The following NBEA variants were observed in gnomAD, a reference collection of about 807,000 sequenced individuals.
NBEA encodes the protein lysosomal-trafficking regulator 2.
A neutral mutation model predicts 343.4 loss-of-function variants in NBEA; 44 were observed. The observed-to-expected ratio is 0.13, with a 90% CI of 0.10 to 0.16. The LOEUF is 0.16. Among genes scored for constraint, NBEA ranks in the 10% least tolerant of loss-of-function variants. NBEA has a pLI of 1.00. For synonymous variants in NBEA, 1,175 were observed against 1,238.7 expected (o/e 0.95, Z 1.08); for missense variants, 2,555 against 3,631.3 (o/e 0.70, Z 7.62).
At chr13:34,974,513 T>C (rs2060101802) in intron 1 of NBEA, among the ~76,000 whole-genome samples, 1 of 152,196 alleles carries the variant, frequency 6.6e-6, no homozygotes, top group Admixed American at 6.5e-5. Context: ...AAACTGGCAG[T>C]GGGCCAGAAC....
intron 34 of NBEA, among the ~76,000 whole-genome samples, chr13:35,275,244 C>G (rs972534230): frequency 3.3e-5 from 5 of 152,134 alleles, no homozygotes; most frequent in African/African-American, 7.2e-5. Flanking sequence ...CTGACAAAAA[C>G]AAGCAATGGG....
intron 1 of NBEA, among the ~76,000 whole-genome samples, chr13:34,983,366 T>C (rs1172572106): frequency 1.3e-5 from 2 of 152,222 alleles, no homozygotes; most frequent in Non-Finnish European, 2.9e-5. Flanking sequence ...TCCTTTTTTA[T>C]GGCTGCATAG....
intron 41 of NBEA, among the ~76,000 whole-genome samples, chr13:35,531,636 A>G (rs1326698830): frequency 6.6e-6 from 1 of 152,222 alleles, no homozygotes; most frequent in African/African-American, 2.4e-5. Context: ...GGGATGGGCA[A>G]CTGTCATCTG....
chr13:35,111,226 T>C (rs2066190348), intron 13 of NBEA, among the ~76,000 whole-genome samples: 1 of 152,182 alleles, frequency 6.6e-6, no homozygotes, highest in South Asian at 2.1e-4. Flanking sequence ...TTTTTTTTCA[T>C]TCAGGAAGAT....
chr13:35,432,246 A>C, intron 38 of NBEA, 23 bp from the exon 39 acceptor site: 1 of 1,570,484 alleles, frequency 6.4e-7, no homozygotes, highest in Non-Finnish European at 8.7e-7. Context: ...AATAGGGATT[A>C]CTTTTTTTCC....
intron 11 of NBEA, among the ~76,000 whole-genome samples, chr13:35,106,525 T>G (rs1302261852): frequency 1.3e-5 from 2 of 151,872 alleles, no homozygotes; most frequent in East Asian, 1.9e-4. Context: ...AGAGATTTCT[T>G]TTTTACACTA....
chr13:35,665,031 C>T (rs961383736), intron 55 of NBEA, 54 bp from the exon 56 acceptor site: 1 of 1,181,084 alleles, frequency 8.5e-7, no homozygotes, highest in Middle Eastern at 1.9e-4. Flanking sequence ...GCTGGTGTAG[C>T]TCTCTCCCCC....
chr13:35,055,712 A>G (rs894377046), intron 6 of NBEA, among the ~76,000 whole-genome samples: 3 of 152,186 alleles, frequency 2.0e-5, no homozygotes, highest in African/African-American at 7.2e-5. Context: ...TGTAAATTTT[A>G]AATGAATGAA....
At chr13:35,418,494 C>A (rs977205160) in intron 38 of NBEA, among the ~76,000 whole-genome samples, 1 of 151,884 alleles carries the variant, frequency 6.6e-6, no homozygotes, top group Non-Finnish European at 1.5e-5. Context: ...AAAGGAAATG[C>A]ATGATGTTGT....
In NBEA at chr13:35,173,444, G is replaced by A; in HGVS notation, c.4424-20G>A. 1 of 1,562,768 alleles carries A rather than the reference G, an allele frequency of 6.4e-7. No individual in the cohort carries two copies. The highest frequency in any genetic ancestry group is 8.7e-7 in the Non-Finnish European group (1 of 1,151,350). On this transcript the variant is annotated intron_variant, in intron 26 of 58. Transcript: ENST00000379939. The stretch of plus-strand genomic sequence containing the variant: ...AGTCAACAATTTATATTAACAATAT[G>A]TTTTTGAATTTTTAAATAGTTTGTT...
chr13:35,109,488 C>T (rs1479398280), intron 12 of NBEA, 46 bp downstream of exon 12: 1 of 1,471,768 alleles, frequency 6.8e-7, no homozygotes, highest in Non-Finnish European at 9.1e-7. Flanking sequence ...TAATGTTATA[C>T]ATTATAGTTG....
At chr13:35,579,973 C>T (rs138975196) in intron 45 of NBEA, among the ~76,000 whole-genome samples, 49 of 152,088 alleles carry the variant, frequency 3.2e-4, no homozygotes, top group African/African-American at 1.1e-3. Context: ...TGTAATTTCC[C>T]GTAGATTTTA....
intron 31 of NBEA, among the ~76,000 whole-genome samples, chr13:35,205,779 G>A (rs1410881047): frequency 2.0e-5 from 3 of 151,872 alleles, no homozygotes; most frequent in African/African-American, 7.3e-5. Context: ...AATATTCCAT[G>A]GACTGTGCTA....
intron 1 of NBEA, among the ~76,000 whole-genome samples, chr13:35,021,972 T>C (rs1233407372): frequency 2.0e-5 from 3 of 152,204 alleles, no homozygotes; most frequent in African/African-American, 7.2e-5. Flanking sequence ...TTCTGTCTGA[T>C]GAAGTTACTT....
At chr13:35,400,181 C>T (rs1032347711) in intron 38 of NBEA, among the ~76,000 whole-genome samples, 1 of 118,150 alleles carries the variant, frequency 8.5e-6, no homozygotes, top group Admixed American at 1.0e-4. Flanking sequence ...AGGGTTGCCA[C>T]AACTCTTCAA....
At chr13:35,606,870 C>G (rs556484369) in intron 48 of NBEA, among the ~76,000 whole-genome samples, 1 of 152,174 alleles carries the variant, frequency 6.6e-6, no homozygotes, top group South Asian at 2.1e-4. Context: ...ATAATGTATT[C>G]TAAAGTGCTT....
chr13:35,387,815 T>C (rs1049588276), intron 38 of NBEA, among the ~76,000 whole-genome samples: 6 of 152,146 alleles, frequency 3.9e-5, no homozygotes, highest in African/African-American at 1.4e-4. Flanking sequence ...GAGTGTCATC[T>C]TTCAGCCATG....
In NBEA at chr13:35,671,712, A is replaced by C. The variant is rs575683535; in HGVS notation, c.*721A>C. On this transcript the variant is annotated 3_prime_UTR_variant, in exon 59 of 59. Transcript: ENST00000379939. ...CCCTTCTGAGTGAAATTTGCTCATA[A>C]AGCATTTGGATACTAAGCCATTATT... 6.5e-6 allele frequency: 1 copy of C among 152,766 alleles called. No individual in the cohort carries two copies. The highest frequency in any genetic ancestry group is 2.1e-4 in the South Asian group (1 of 4,824). 9.5% of individuals were successfully genotyped at this position (152,766 alleles called of 1,614,324 possible).
intron 10 of NBEA, among the ~76,000 whole-genome samples, chr13:35,077,020 C>G (rs2064151773): frequency 6.6e-6 from 1 of 152,024 alleles, no homozygotes; most frequent in Non-Finnish European, 1.5e-5. Flanking sequence ...TAGATTGTAG[C>G]TATAATACTG....
Sources: gnomAD v4.1 joint callset for allele counts (sites outside exome capture counted in the v4.1 genomes callset) on GRCh38, gnomAD v4.1.1 for gene constraint, MANE v1.5 for transcripts, NCBI Gene and HGNC (gene_info 2026-07-23, HGNC 2026-07-21) for gene names.